Variants in MTOR observed in about 807,000 individuals in gnomAD.
MTOR encodes serine/threonine-protein kinase mTOR.
MTOR carries 70 observed loss-of-function variants against 319.8 expected under a neutral mutation model. The ratio of observed to expected loss-of-function variants is 0.22; its 90% CI spans 0.18 to 0.27. MTOR has a LOEUF of 0.27. MTOR is among the 10% of genes least tolerant of loss of function. MTOR has a pLI of 1.00. For synonymous variants in MTOR, 1,183 were observed against 1,211.4 expected (o/e 0.98, Z 0.49); for missense variants, 1,890 against 3,274.4 (o/e 0.58, Z 10.32).
At chr1:11,197,046 G>C (rs1203603044) in intron 28 of MTOR, among the ~76,000 whole-genome samples, 1 of 152,126 alleles carries the variant, frequency 6.6e-6, no homozygotes, top group Non-Finnish European at 1.5e-5. Flanking sequence ...GTGGGGGTTG[G>C]GGGAGGGTTA....
At chr1:11,180,083 T>C (rs1645099877) in intron 28 of MTOR, among the ~76,000 whole-genome samples, 1 of 152,072 alleles carries the variant, frequency 6.6e-6, no homozygotes, top group Admixed American at 6.6e-5. Flanking sequence ...CACTAAACTT[T>C]TTACAGAGAC....
intron 28 of MTOR, among the ~76,000 whole-genome samples, chr1:11,187,334 A>G: frequency 6.7e-6 from 1 of 150,160 alleles, no homozygotes; most frequent in African/African-American, 2.5e-5. Context: ...GGGGGTGGGG[A>G]GATGGGGGAT....
rs1222511685 is a variant in MTOR at position 11,127,966 on chromosome 1, A to C, written c.6033+38T>G. On this transcript the variant is annotated intron_variant, in intron 43 of 57. Coordinates refer to ENST00000361445, the MANE Select transcript of MTOR (RefSeq NM_004958.4). This position sits in a 1 kb window ranked among gnomAD's most constrained non-coding sequence, Gnocchi z 5.5. ...CCCACTTGCGCCCACCAGCTAAGGG[A>C]CCAGGGTCTATGAAGCCCCACAGTG... 1 of 1,611,570 alleles carries C rather than the reference A, an allele frequency of 6.2e-7. No homozygotes were observed. The highest frequency in any genetic ancestry group is 8.5e-7 in the Non-Finnish European group (1 of 1,179,556).
chr1:11,258,823 CCT>C (rs2100984894), intron 2 of MTOR, among the ~76,000 whole-genome samples: 1 of 152,218 alleles, frequency 6.6e-6, no homozygotes, highest in East Asian at 1.9e-4. Flanking sequence ...CAGAAAATGT[CCT>C]GTCCTAGGTT....
chr1:11,149,638 A>C (rs1020530609), intron 31 of MTOR: 1 of 153,188 alleles, frequency 6.5e-6, no homozygotes, highest in Non-Finnish European at 1.5e-5. Flanking sequence ...ACAGCTGGTC[A>C]GTGAGAAACA....
Position 11,247,518 on chromosome 1 carries a change from AG to A in MTOR, c.1225+106del, listed in dbSNP as rs536836488. The A allele has an allele frequency of 3.9e-4, 355 of 912,062 alleles. 4 individuals are homozygous for A. In the South Asian group the frequency reaches 5.3e-3, roughly 14 times the overall value. The allele number at this position is 912,062 out of a possible 1,614,324, so 56.5% of individuals were successfully genotyped here. A position where few individuals can be genotyped will look rare whatever the true frequency, so the allele number is the denominator to read the frequency against. ...ATTGGACATGAGACAAAGAAATCAG[AG>A]ATTTGTTGGCGTTGCTTCAAAGGAA... On this transcript the variant is annotated intron_variant, in intron 8 of 57. Coordinates refer to ENST00000361445, the MANE Select transcript of MTOR (RefSeq NM_004958.4).
intron 8 of MTOR, among the ~76,000 whole-genome samples, chr1:11,244,444 A>G (rs1648545412): frequency 6.6e-6 from 1 of 152,022 alleles, no homozygotes; most frequent in Admixed American, 6.6e-5. Context: ...ACCAGCCTGC[A>G]CAACATGATG....
At chr1:11,149,060 C>T (rs1644046435) in intron 31 of MTOR, among the ~76,000 whole-genome samples, 1 of 151,966 alleles carries the variant, frequency 6.6e-6, no homozygotes, top group Non-Finnish European at 1.5e-5. Flanking sequence ...GTCACCACAC[C>T]CAGCCTTCTC....
At chr1:11,164,772 C>G (rs953218407) in intron 29 of MTOR, among the ~76,000 whole-genome samples, 4 of 152,140 alleles carry the variant, frequency 2.6e-5, no homozygotes, top group African/African-American at 9.7e-5. Context: ...ATCCTGATAC[C>G]AAAGCCTGGC....
chr1:11,231,534 G>A (rs918297136), intron 16 of MTOR, 100 bp from the exon 17 acceptor site: 3 of 1,429,272 alleles, frequency 2.1e-6, no homozygotes, highest in East Asian at 2.3e-5. Flanking sequence ...GTTAGAGGCT[G>A]TAAGAAGAAA....
chr1:11,163,246 T>C (rs533929304), intron 29 of MTOR, among the ~76,000 whole-genome samples: 147 of 152,174 alleles, frequency 9.7e-4, no homozygotes, highest in Non-Finnish European at 1.9e-3. Flanking sequence ...CTATCCTAAA[T>C]ATATATGCGC....
Position 11,185,396 on chromosome 1 carries a change from T to G in MTOR, c.4253+13862A>C, listed in dbSNP as rs544749835. On this transcript the variant is annotated intron_variant, in intron 28 of 57. Transcript: ENST00000361445. ...TTCGAGACCAGCCCTGGCAACACAG[T>G]GAGACCCCCATCACTACAAAAAAAA... is the stretch of plus-strand genomic sequence containing the variant. Among the ~76,000 whole-genome samples, 230 of 139,976 alleles carry G rather than the reference T, an allele frequency of 1.6e-3. 1 individual carries two copies. Among genetic ancestry groups the G allele is most frequent in the Non-Finnish European group, 3.0e-3 (195 of 65,582 alleles). 91.8% of individuals were successfully genotyped at this position (139,976 alleles called of 152,430 possible).
intron 46 of MTOR, among the ~76,000 whole-genome samples, chr1:11,126,059 A>C (rs1212652905): frequency 6.6e-6 from 1 of 150,528 alleles, no homozygotes; most frequent in Non-Finnish European, 1.5e-5. Flanking sequence ...AAAAAAAAAA[A>C]AAAAAAAGCG....
intron 28 of MTOR, among the ~76,000 whole-genome samples, chr1:11,174,386 C>G (rs992850468): frequency 1.3e-5 from 2 of 152,020 alleles, no homozygotes; most frequent in Non-Finnish European, 2.9e-5. Flanking sequence ...CACTAACATT[C>G]CTCTCTTACT....
chr1:11,248,943 G>A (rs1307038771), intron 6 of MTOR, among the ~76,000 whole-genome samples: 1 of 152,056 alleles, frequency 6.6e-6, no homozygotes, highest in Non-Finnish European at 1.5e-5. Context: ...CACTCATCCT[G>A]AGTCAGGCGC....
chr1:11,256,263 G>T, intron 4 of MTOR, 71 bp from the exon 5 acceptor site: 11 of 1,543,624 alleles, frequency 7.1e-6, no homozygotes, highest in Non-Finnish European at 8.7e-6. Context: ...ACAGTCTCTT[G>T]TCATCTTAGA....
intron 52 of MTOR, 166 bp downstream of exon 52, chr1:11,114,647 C>A: frequency 1.0e-6 from 1 of 998,598 alleles, no homozygotes; most frequent in Non-Finnish European, 1.5e-6. Context: ...AAGTGGTAAG[C>A]CTTTCATAGA....
At position 11,133,675 on chromosome 1, in the gene MTOR, C is replaced by T. The variant is rs1379453399; in HGVS notation, c.5247-478G>A. On this transcript the variant is annotated intron_variant, in intron 37 of 57. Transcript: ENST00000361445. The surrounding 1 kb of genome is among the most constrained non-coding windows in gnomAD (Gnocchi z 4.0). ...GCATTAATCCTCACACTACTTTATA[C>T]CACCCTAGGAAATAGAAACTGTTAC... 6.6e-6 allele frequency among the ~76,000 whole-genome samples: 1 copy of T among 152,190 alleles called. No individual in the cohort carries two copies. The highest frequency in any genetic ancestry group is 1.5e-5 in the Non-Finnish European group (1 of 68,040).
rs1194440628 is a variant in MTOR, at chr1:11,185,422, A to AAAAG, written c.4253+13835_4253+13836insCTTT. Among the ~76,000 whole-genome samples, 144 of 150,788 alleles carry AAAAG rather than the reference A, an allele frequency of 9.5e-4. 1 individual carries two copies. Among genetic ancestry groups the AAAAG allele is most frequent in the African/African-American group, 3.3e-3 (135 of 40,518 alleles). On this transcript the variant is annotated intron_variant, in intron 28 of 57. Coordinates refer to ENST00000361445, the MANE Select transcript of MTOR (RefSeq NM_004958.4). ...GAGACCCCCATCACTACAAAAAAAAAAAAAGAAAAGAAAGAAAGAAAGAAA... is the reference window on the plus strand; with the variant it reads ...GAGACCCCCATCACTACAAAAAAAAAAAAGAAAAGAAAAGAAAGAAAGAAAGAAA...
Sources: gnomAD v4.1 joint callset for allele counts (sites outside exome capture counted in the v4.1 genomes callset) on GRCh38, gnomAD v4.1.1 for gene constraint, Gnocchi (gnomAD v3.1) non-coding constraint, MANE v1.5 for transcripts, NCBI Gene and HGNC (gene_info 2026-07-23, HGNC 2026-07-21) for gene names.